ATF7IP: variants seen among roughly 807,000 people sequenced by gnomAD.
ATF7IP encodes activating transcription factor 7 interacting protein.
ATF7IP carries 23 observed loss-of-function variants against 106.4 expected under a neutral mutation model. The observed-to-expected ratio is 0.22, with a 90% CI of 0.16 to 0.31. The LOEUF (loss-of-function observed/expected upper bound fraction) is 0.31, where lower values mean the gene tolerates loss of function less well. Ranked by LOEUF, ATF7IP falls within the 10% of genes least tolerant of loss-of-function variation. The probability of loss-of-function intolerance (pLI) is 1.00; values close to 1 mark genes in which losing one functional copy is unlikely to be tolerated. For synonymous variants in ATF7IP, 542 were observed against 539.0 expected (o/e 1.01, Z -0.08); for missense variants, 1,334 against 1,524.3 (o/e 0.88, Z 2.08).
chr12:14,403,379 G>A (rs932987467), intron 1 of ATF7IP, among the ~76,000 whole-genome samples: 3 of 151,790 alleles, frequency 2.0e-5, no homozygotes, highest in African/African-American at 7.2e-5. Flanking sequence ...AGGAATATGA[G>A]GATAAAGGAA....
intron 1 of ATF7IP, among the ~76,000 whole-genome samples, chr12:14,401,533 A>C (rs1375662571): frequency 2.7e-5 from 4 of 145,570 alleles, no homozygotes; most frequent in Non-Finnish European, 6.0e-5. Context: ...TGTCATAGTT[A>C]CCTTTTTTAT....
chr12:14,366,747 C>A (rs1938312132), intron 1 of ATF7IP, among the ~76,000 whole-genome samples: 1 of 152,106 alleles, frequency 6.6e-6, no homozygotes, highest in Non-Finnish European at 1.5e-5. Context: ...TAAGCTATAA[C>A]ATTTATTTGG....
At chr12:14,453,058 T>A (rs571788160) in intron 6 of ATF7IP, among the ~76,000 whole-genome samples, 5 of 152,326 alleles carry the variant, frequency 3.3e-5, no homozygotes, top group African/African-American at 1.2e-4. Context: ...AGATTTCTGC[T>A]GAGATATCTG....
In ATF7IP at chr12:14,486,374, A is replaced by G. The variant is rs1190809278; in HGVS notation, c.3280+5189A>G. Among the ~76,000 whole-genome samples the G allele has an allele frequency of 5.9e-5, 9 of 152,232 alleles. No homozygotes were observed. The East Asian group carries it at 1.5e-3, about 26-fold the overall frequency. On this transcript the variant is annotated intron_variant, in intron 13 of 14. Coordinates refer to ENST00000261168, the MANE Select transcript of ATF7IP (RefSeq NM_018179.5). ...CAGTTACCCTGGTAAAAGGCCAGAG[A>G]TCTCCTTGGGGAAGGATGGGAGAAA...
intron 8 of ATF7IP, 103 bp from the exon 9 acceptor site, chr12:14,460,390 CTT>C (rs1232664565): frequency 2.6e-6 from 3 of 1,144,768 alleles, no homozygotes; most frequent in Non-Finnish European, 3.7e-6. Context: ...ACTTTACAGT[CTT>C]TGCAATGTAT....
At chr12:14,412,840 C>T (rs1940996378) in intron 1 of ATF7IP, among the ~76,000 whole-genome samples, 1 of 151,994 alleles carries the variant, frequency 6.6e-6, no homozygotes, top group Non-Finnish European at 1.5e-5. Flanking sequence ...ATGGTGAAAC[C>T]CCGTCTCTAC....
At chr12:14,425,591 G>T in intron 2 of ATF7IP, 118 bp downstream of exon 2, 1 of 980,454 alleles carries the variant, frequency 1.0e-6, no homozygotes, top group Non-Finnish European at 1.4e-6. Flanking sequence ...GAATGGTGAT[G>T]ACTCTATAGA....
intron 1 of ATF7IP, among the ~76,000 whole-genome samples, chr12:14,381,528 G>T (rs887352971): frequency 6.6e-6 from 1 of 152,132 alleles, no homozygotes; most frequent in South Asian, 2.1e-4. Context: ...ATCGTGTCCG[G>T]CTGGTCCTGC....
At chr12:14,406,665 GTTT>G (rs370770745) in intron 1 of ATF7IP, among the ~76,000 whole-genome samples, 1 of 132,404 alleles carries the variant, frequency 7.6e-6, no homozygotes, top group Middle Eastern at 3.6e-3. Context: ...GTATTTATGG[GTTT>G]TTTTTTTTTT....
intron 5 of ATF7IP, among the ~76,000 whole-genome samples, chr12:14,445,111 C>T (rs1013345017): frequency 1.3e-5 from 2 of 151,550 alleles, no homozygotes; most frequent in African/African-American, 2.4e-5. Context: ...CTGCCTCAGC[C>T]TCCCGAAGAG....
At chr12:14,441,922 A>G (rs1398278433) in intron 5 of ATF7IP, among the ~76,000 whole-genome samples, 1 of 152,178 alleles carries the variant, frequency 6.6e-6, no homozygotes, top group Non-Finnish European at 1.5e-5. Flanking sequence ...AAACTTTTAA[A>G]TTTTGATGAA....
rs1231421339 is a variant in ATF7IP at position 14,502,422 on chromosome 12, CAAAT to C, written c.*4352_*4355del. ...AACACATGTTTTGTTTTCTCATTTTCAAATAATTTACCATGTTAAAATAAACTTT... is the reference window on the plus strand; with the variant it reads ...AACACATGTTTTGTTTTCTCATTTTCAATTTACCATGTTAAAATAAACTTT... On this transcript the variant is annotated 3_prime_UTR_variant, in exon 15 of 15. Coordinates refer to ENST00000261168, the MANE Select transcript of ATF7IP (RefSeq NM_018179.5). The C allele has an allele frequency of 6.6e-6, 1 of 152,000 alleles. No individual in the cohort carries two copies. Among genetic ancestry groups the C allele is most frequent in the East Asian group, 1.9e-4 (1 of 5,170 alleles). The allele number at this position is 152,000 out of a possible 1,614,324, so 9.4% of individuals were successfully genotyped here. A position where few individuals can be genotyped will look rare whatever the true frequency, so the allele number is the denominator to read the frequency against.
At chr12:14,426,504 A>C (rs1014678126) in intron 2 of ATF7IP, among the ~76,000 whole-genome samples, 4 of 151,256 alleles carry the variant, frequency 2.6e-5, no homozygotes, top group African/African-American at 9.7e-5. Context: ...TTGGAGGTAG[A>C]GATTTTTTTC....
intron 9 of ATF7IP, among the ~76,000 whole-genome samples, chr12:14,462,179 G>A (rs749601129): frequency 2.0e-5 from 3 of 151,960 alleles, no homozygotes; most frequent in East Asian, 1.9e-4. Flanking sequence ...ATATGAAAGT[G>A]TAATTATTAT....
chr12:14,467,725 G>T (rs1164565693), intron 10 of ATF7IP, among the ~76,000 whole-genome samples: 2 of 151,020 alleles, frequency 1.3e-5, no homozygotes, highest in Non-Finnish European at 2.9e-5. Context: ...TGGACATTAT[G>T]ATGGCTGTCT....
At chr12:14,446,374 T>A (rs538518555) in intron 5 of ATF7IP, among the ~76,000 whole-genome samples, 2 of 152,194 alleles carry the variant, frequency 1.3e-5, no homozygotes, top group African/African-American at 4.8e-5. Context: ...TCTCGAACTC[T>A]TGGCCTTAGG....
intron 13 of ATF7IP, among the ~76,000 whole-genome samples, chr12:14,484,511 G>C (rs921184777): frequency 2.6e-5 from 4 of 152,240 alleles, no homozygotes; most frequent in African/African-American, 9.6e-5. Context: ...GCTGCTTGAA[G>C]TTCTGCCAAC....
chr12:14,434,477 T>C (rs1591851067), intron 3 of ATF7IP, 54 bp downstream of exon 3: 1 of 1,103,200 alleles, frequency 9.1e-7, no homozygotes, highest in East Asian at 2.4e-5. Flanking sequence ...ATTCACTGTT[T>C]CTATATTTAC....
chr12:14,495,256 CT>C, intron 13 of ATF7IP, among the ~76,000 whole-genome samples: 5 of 152,198 alleles, frequency 3.3e-5, no homozygotes, highest in African/African-American at 9.6e-5. Context: ...AGGGTTAATA[CT>C]TTGTGTCCTT....
Sources: gnomAD v4.1 joint callset for allele counts (sites outside exome capture counted in the v4.1 genomes callset) on GRCh38, gnomAD v4.1.1 for gene constraint, MANE v1.5 for transcripts, NCBI Gene and HGNC (gene_info 2026-07-23, HGNC 2026-07-21) for gene names.